The following MAP4K3 variants were observed in gnomAD, a reference collection of about 807,000 sequenced individuals.
MAP4K3 encodes the protein MAPK/ERK kinase kinase kinase 3.
Under a neutral mutation model 143.5 loss-of-function variants are expected in MAP4K3, and 94 were observed. The ratio of observed to expected loss-of-function variants is 0.65; its 90% CI spans 0.55 to 0.78. The LOEUF (loss-of-function observed/expected upper bound fraction) is 0.78, where lower values mean the gene tolerates loss of function less well. MAP4K3 is among the 30% of genes least tolerant of loss of function. MAP4K3 has a pLI of 0.00. For missense variants in MAP4K3, 1,077 were observed against 1,068.1 expected (o/e 1.01, Z -0.12); for synonymous variants, 416 against 347.2 (o/e 1.20, Z -2.20).
intron 12 of MAP4K3, among the ~76,000 whole-genome samples, chr2:39,317,700 A>G (rs1356514440): frequency 6.6e-6 from 1 of 152,190 alleles, no homozygotes; most frequent in African/African-American, 2.4e-5. Context: ...CAAAACCATA[A>G]TGAGATACCA....
At chr2:39,389,928 C>A (rs1250744618) in intron 1 of MAP4K3, among the ~76,000 whole-genome samples, 1 of 151,966 alleles carries the variant, frequency 6.6e-6, no homozygotes, top group Non-Finnish European at 1.5e-5. Context: ...AAATATGGAG[C>A]AAAATACCAT....
At chr2:39,426,380 A>G (rs1466176732) in intron 1 of MAP4K3, among the ~76,000 whole-genome samples, 1 of 152,154 alleles carries the variant, frequency 6.6e-6, no homozygotes, top group African/African-American at 2.4e-5. Flanking sequence ...ATGCTATAAT[A>G]GACATTACTG....
rs1428511897 is a variant in MAP4K3 at position 39,414,595 on chromosome 2, G to A, written c.96+22297C>T. On this transcript the variant is annotated intron_variant, in intron 1 of 33. Coordinates refer to ENST00000263881, the MANE Select transcript of MAP4K3 (RefSeq NM_003618.4). ...CTCTTAAGAGTATGTACCAACCTAG[G>A]CCGGGTGCGGTGGCTCACGCCTGTA... 6.6e-5 allele frequency among the ~76,000 whole-genome samples: 10 copies of A among 152,042 alleles called. No individual in the cohort carries two copies. In the East Asian group the frequency reaches 1.9e-3, roughly 29 times the overall value.
chr2:39,261,594 T>G (rs1022654725), intron 28 of MAP4K3, among the ~76,000 whole-genome samples: 1 of 152,198 alleles, frequency 6.6e-6, no homozygotes, highest in African/African-American at 2.4e-5. Flanking sequence ...ATGCTGGAAG[T>G]AGGCATTCCT....
intron 29 of MAP4K3, 132 bp downstream of exon 29, chr2:39,260,474 T>C: frequency 1.4e-6 from 1 of 704,200 alleles, no homozygotes; most frequent in South Asian, 1.9e-5. Context: ...AATCTTCCCT[T>C]CTTCCAGTTT....
At chr2:39,392,271 G>T (rs537351173) in intron 1 of MAP4K3, among the ~76,000 whole-genome samples, 2 of 151,078 alleles carry the variant, frequency 1.3e-5, no homozygotes, top group African/African-American at 4.9e-5. Flanking sequence ...CCTGGGGAAT[G>T]AAGACTAAGT....
intron 21 of MAP4K3, chr2:39,283,749 T>G (rs1362377972): frequency 6.6e-6 from 1 of 152,220 alleles, no homozygotes; most frequent in Non-Finnish European, 1.5e-5. Flanking sequence ...GTGGCCACAT[T>G]CTTGAGTATA....
At chr2:39,294,221 G>A (rs1195957732) in intron 16 of MAP4K3, 1 of 152,054 alleles carries the variant, frequency 6.6e-6, no homozygotes, top group Non-Finnish European at 1.5e-5. Flanking sequence ...AGGAAAAACT[G>A]CCCTTAAAAT....
chr2:39,355,010 T>C (rs533613055), intron 3 of MAP4K3, among the ~76,000 whole-genome samples: 81 of 152,030 alleles, frequency 5.3e-4, no homozygotes, highest in African/African-American at 1.7e-3. Context: ...TTTGGATCAT[T>C]TGAGCTCAGG....
intron 32 of MAP4K3, among the ~76,000 whole-genome samples, 175 bp downstream of exon 32, chr2:39,254,275 G>C (rs957372986): frequency 6.6e-6 from 1 of 151,664 alleles, no homozygotes; most frequent in Non-Finnish European, 1.5e-5. Flanking sequence ...TTGAGTAGTG[G>C]AGAGAGAGAG....
chr2:39,299,699 A>T, intron 16 of MAP4K3, 44 bp downstream of exon 16: 1 of 1,103,452 alleles, frequency 9.1e-7, no homozygotes, highest in Non-Finnish European at 1.3e-6. Flanking sequence ...AGGCAACTTA[A>T]TAATTCTTGA....
rs565640380 is a variant in MAP4K3 at position 39,314,226 on chromosome 2, C to T, written c.997+1084G>A. 1.2e-4 allele frequency among the ~76,000 whole-genome samples: 18 copies of T among 152,148 alleles called. No individual in the cohort carries two copies. The East Asian group carries it at 1.6e-3, about 13-fold the overall frequency. On this transcript the variant is annotated intron_variant, in intron 13 of 33. Coordinates refer to ENST00000263881, the MANE Select transcript of MAP4K3 (RefSeq NM_003618.4). ...GGTAGCTTATGTAGAGACGGAGTTT[C>T]GCCATGTTGGCCATGCTTGTCTTGA...
intron 1 of MAP4K3, among the ~76,000 whole-genome samples, chr2:39,427,596 C>G (rs1185580763): frequency 6.6e-6 from 1 of 152,068 alleles, no homozygotes; most frequent in African/African-American, 2.4e-5. Flanking sequence ...AGAAAGAGAA[C>G]AGAGAAAGAT....
chr2:39,330,942 T>C lies in MAP4K3; in HGVS notation c.530+975A>G, dbSNP rs1683662943. ...AATGAAGAGAGCTAAGATCTTCAAC[T>C]GTCATAACGCAGTATCTGTAAATGA... On this transcript the variant is annotated intron_variant, in intron 8 of 33. Coordinates refer to ENST00000263881, the MANE Select transcript of MAP4K3 (RefSeq NM_003618.4). Among the ~76,000 whole-genome samples the C allele has an allele frequency of 2.0e-5, 3 of 152,206 alleles. No individual in the cohort carries two copies. In the South Asian group the frequency reaches 6.2e-4, roughly 32 times the overall value.
At chr2:39,258,765 C>T (rs573550542) in intron 29 of MAP4K3, among the ~76,000 whole-genome samples, 178 bp from the exon 30 acceptor site, 3 of 152,278 alleles carry the variant, frequency 2.0e-5, no homozygotes, top group East Asian at 3.9e-4. Context: ...TGCTAAACAA[C>T]GTAAGTGCTC....
chr2:39,257,345 A>T (rs1460391328), intron 31 of MAP4K3, among the ~76,000 whole-genome samples: 1 of 152,204 alleles, frequency 6.6e-6, no homozygotes, highest in Non-Finnish European at 1.5e-5. Context: ...AAAATGTGAG[A>T]ATGACAAGAA....
Position 39,319,356 on chromosome 2 carries a change from A to G in MAP4K3, c.919-3968T>C, listed in dbSNP as rs367753013. On this transcript the variant is annotated intron_variant, in intron 12 of 33. Transcript: ENST00000263881. ...TGTTTCTTCATTCCACGTACAGTTT[A>G]TCCTTGAACAAAAGTTTGAACTGCA... 7.6e-4 allele frequency among the ~76,000 whole-genome samples: 116 copies of G among 152,182 alleles called. 2 individuals are homozygous for G. The South Asian group carries it at 0.024, about 31-fold the overall frequency.
chr2:39,332,706 A>G (rs905798108), intron 7 of MAP4K3, among the ~76,000 whole-genome samples: 4 of 152,074 alleles, frequency 2.6e-5, no homozygotes, highest in Non-Finnish European at 4.4e-5. Flanking sequence ...CAATCAATAG[A>G]TAACTAAAAA....
At chr2:39,360,813 C>T (rs1456071502) in intron 2 of MAP4K3, among the ~76,000 whole-genome samples, 1 of 152,138 alleles carries the variant, frequency 6.6e-6, no homozygotes, top group Non-Finnish European at 1.5e-5. Context: ...ACGAGAACAG[C>T]AGCAGGGGGT....
Sources: allele counts gnomAD v4.1 joint callset (sites outside exome capture counted in the v4.1 genomes callset), GRCh38; gene constraint gnomAD v4.1.1; transcripts MANE v1.5; gene names NCBI Gene and HGNC (gene_info 2026-07-23, HGNC 2026-07-21).